CDH18: variants seen among roughly 807,000 people sequenced by gnomAD.
The protein encoded by CDH18 is cadherin 18.
Under a neutral mutation model 67.9 loss-of-function variants are expected in CDH18, and 31 were observed. The ratio of observed to expected loss-of-function variants is 0.46; its 90% CI spans 0.34 to 0.62. The LOEUF (loss-of-function observed/expected upper bound fraction) is 0.62, where lower values mean the gene tolerates loss of function less well. Among genes scored for constraint, CDH18 ranks in the 20% least tolerant of loss-of-function variants. CDH18 has a pLI of 0.01. For missense variants in CDH18, 890 were observed against 975.5 expected (o/e 0.91, Z 1.17); for synonymous variants, 362 against 347.2 (o/e 1.04, Z -0.48).
intron 1 of CDH18, among the ~76,000 whole-genome samples, chr5:20,468,249 C>G (rs1160159879): frequency 6.6e-6 from 1 of 152,088 alleles, no homozygotes; most frequent in Non-Finnish European, 1.5e-5. Flanking sequence ...ATCCTGACCT[C>G]AAGTGATCTG....
At position 20,442,549 on chromosome 5, in the gene CDH18, T is replaced by C. The variant is rs113108153; in HGVS notation, c.-580+132913A>G. ...GTTGGCCCTGAGAGGCTCAATTATG[T>C]AGAAAGGCAAGTTATGTCATAAAAG... is the stretch of plus-strand genomic sequence containing the variant. On this transcript the variant is annotated intron_variant, in intron 1 of 14. Transcript: ENST00000507958. Among the ~76,000 whole-genome samples the C allele has an allele frequency of 4.7e-4, 71 of 152,022 alleles. 4 individuals carry two copies. Among genetic ancestry groups the C allele is most frequent in the African/African-American group, 1.5e-3 (62 of 41,292 alleles).
chr5:19,991,579 A>G (rs1330285478), upstream of CDH18, among the ~76,000 whole-genome samples: 9 of 152,186 alleles, frequency 5.9e-5, no homozygotes, highest in South Asian at 1.2e-3. Flanking sequence ...GTTAGCAAGA[A>G]CTATAGTTTG....
chr5:20,328,661 A>C, intron 1 of CDH18, among the ~76,000 whole-genome samples: 1 of 152,122 alleles, frequency 6.6e-6, no homozygotes, highest in Non-Finnish European at 1.5e-5. Flanking sequence ...TTGGCTAAAT[A>C]AACCTCTACT....
intron 7 of CDH18, among the ~76,000 whole-genome samples, chr5:19,579,772 A>C (rs1297218120): frequency 6.6e-6 from 1 of 151,798 alleles, no homozygotes; most frequent in Non-Finnish European, 1.5e-5. Flanking sequence ...ACATGTTTAC[A>C]TTCTGATAAA....
intron 7 of CDH18, among the ~76,000 whole-genome samples, chr5:19,586,830 G>A (rs1049873997): frequency 7.2e-5 from 11 of 152,138 alleles, no homozygotes; most frequent in African/African-American, 2.7e-4. Context: ...TACCAGCAGT[G>A]TAAAAGTGTT....
At chr5:20,208,863 A>G (rs890955712) in intron 2 of CDH18, among the ~76,000 whole-genome samples, 9 of 152,092 alleles carry the variant, frequency 5.9e-5, no homozygotes, top group African/African-American at 2.2e-4. Context: ...AAGAATACAT[A>G]AAGCTCAAAC....
At chr5:19,475,684 T>C (rs898130273) in intron 12 of CDH18, among the ~76,000 whole-genome samples, 3 of 152,092 alleles carry the variant, frequency 2.0e-5, no homozygotes, top group African/African-American at 7.2e-5. Flanking sequence ...GTGACATATT[T>C]ATGTTATATA....
rs372983567 is a variant in CDH18, at chr5:19,792,716, A to G, written c.229-45480T>C. ...CAATCTGACCCACTAATGAATGATGACAACTTTATTTGTTAAACAACTGCA... is the reference window on the plus strand; with the variant it reads ...CAATCTGACCCACTAATGAATGATGGCAACTTTATTTGTTAAACAACTGCA... On this transcript the variant is annotated intron_variant, in intron 3 of 12. Coordinates refer to ENST00000382275, the MANE Select transcript of CDH18 (RefSeq NM_004934.5). Among the ~76,000 whole-genome samples the G allele has an allele frequency of 7.5e-4, 114 of 152,314 alleles. 1 individual carries two copies. The highest frequency in any genetic ancestry group is 2.2e-3 in the African/African-American group (93 of 41,580).
intron 3 of CDH18, among the ~76,000 whole-genome samples, chr5:19,814,111 T>C (rs1229130523): frequency 4.6e-5 from 7 of 151,932 alleles, no homozygotes; most frequent in Non-Finnish European, 7.4e-5. Context: ...GCTCTTTTGC[T>C]AGCATGACAT....
At chr5:20,396,800 A>T (rs1350481134) in intron 1 of CDH18, among the ~76,000 whole-genome samples, 1 of 152,180 alleles carries the variant, frequency 6.6e-6, no homozygotes, top group Non-Finnish European at 1.5e-5. Context: ...CACATTATAG[A>T]TTTATGATTA....
intron 2 of CDH18, among the ~76,000 whole-genome samples, chr5:19,964,698 C>T (rs59361617): frequency 6.7e-6 from 1 of 149,878 alleles, no homozygotes; most frequent in Non-Finnish European, 1.5e-5. Flanking sequence ...AATGTAAATT[C>T]TGAGGTATAA....
intron 5 of CDH18, among the ~76,000 whole-genome samples, chr5:19,653,843 GA>G (rs1450708652): frequency 1.3e-5 from 2 of 152,126 alleles, no homozygotes; most frequent in Admixed American, 1.3e-4. Flanking sequence ...AGGTAAACGG[GA>G]GAATTCCATG....
intron 1 of CDH18, among the ~76,000 whole-genome samples, chr5:20,410,822 G>A (rs371142417): frequency 6.1e-4 from 92 of 151,718 alleles, no homozygotes; most frequent in African/African-American, 2.0e-3. Flanking sequence ...AGCAAACTAC[G>A]TGAAAAGGAA....
chr5:20,430,861 A>G (rs1748682051), intron 1 of CDH18, among the ~76,000 whole-genome samples: 2 of 152,144 alleles, frequency 1.3e-5, no homozygotes, highest in African/African-American at 4.8e-5. Flanking sequence ...AACATAATAC[A>G]TTCATCTAAG....
At chr5:19,522,542 C>A (rs1328801199) in intron 9 of CDH18, among the ~76,000 whole-genome samples, 1 of 152,058 alleles carries the variant, frequency 6.6e-6, no homozygotes, top group East Asian at 1.9e-4. Context: ...CAATTGAAAA[C>A]TGCTTCTAAT....
chr5:19,861,206 C>T lies in CDH18; in HGVS notation c.-256-21964G>A, dbSNP rs545170981. 4.6e-5 allele frequency among the ~76,000 whole-genome samples: 7 copies of T among 152,130 alleles called. No individual in the cohort carries two copies. In the South Asian group the frequency reaches 1.5e-3, roughly 32 times the overall value. On this transcript the variant is annotated intron_variant, in intron 2 of 12. Transcript: ENST00000382275. Reference sequence around the variant, plus strand: ...GTAGTAGTAATTGCCTCCCATTGGACAGAGAGAATATTTATATAAATTAAC... The same window carrying T: ...GTAGTAGTAATTGCCTCCCATTGGATAGAGAGAATATTTATATAAATTAAC...
intron 2 of CDH18, among the ~76,000 whole-genome samples, chr5:20,188,057 A>T (rs1376527074): frequency 6.6e-6 from 1 of 151,910 alleles, no homozygotes; most frequent in Non-Finnish European, 1.5e-5. Context: ...GACATGCCAC[A>T]TATTGATGTA....
intron 2 of CDH18, among the ~76,000 whole-genome samples, chr5:20,172,986 G>A (rs376568131): frequency 0.058 from 5,177 of 88,586 alleles, 310 homozygotes; most frequent in African/African-American, 0.25. Flanking sequence ...GTGAAACTCC[G>A]TCTCAAAAAA....
intron 7 of CDH18, among the ~76,000 whole-genome samples, chr5:19,577,214 C>T (rs1320151329): frequency 6.6e-6 from 1 of 151,908 alleles, no homozygotes; most frequent in Non-Finnish European, 1.5e-5. Flanking sequence ...TGCATTGTAC[C>T]ATTCAAAATA....
Sources: gnomAD v4.1 joint callset for allele counts (sites outside exome capture counted in the v4.1 genomes callset) on GRCh38, gnomAD v4.1.1 for gene constraint, MANE v1.5 for transcripts, NCBI Gene and HGNC (gene_info 2026-07-23, HGNC 2026-07-21) for gene names.